Variants in DMD observed in about 807,000 individuals in gnomAD.
DMD encodes the protein dystrophin, also known as mutant dystrophin.
A neutral mutation model predicts 330.1 loss-of-function variants in DMD; 63 were observed. The ratio of observed to expected loss-of-function variants is 0.19; its 90% confidence interval spans 0.16 to 0.24. The LOEUF (loss-of-function observed/expected upper bound fraction) is 0.24. DMD is among the 10% of genes least tolerant of loss of function. The probability of loss-of-function intolerance (pLI) is 1.00; values close to 1 mark genes in which losing one functional copy is unlikely to be tolerated. For synonymous variants in DMD, 1,223 were observed against 959.8 expected (o/e 1.27, Z -5.07); for missense variants, 3,344 against 2,684.1 (o/e 1.25, Z -5.43).
intron 55 of DMD, among the ~76,000 whole-genome samples, chrX:31,516,023 A>G (rs1213837093): frequency 9.0e-6 from 1 of 111,481 alleles, no homozygotes; most frequent in Non-Finnish European, 1.9e-5. Context: ...ATTAAACATG[A>G]GCTCTAAATA....
rs757222273 is a variant in DMD, at chrX:32,578,208, A to C, written c.1603-4362T>G. On this transcript the variant is annotated intron_variant, in intron 13 of 78. Coordinates refer to ENST00000357033, the MANE Select transcript of DMD (RefSeq NM_004006.3). The stretch of plus-strand genomic sequence containing the variant: ...AACCTCTTCTCTAGAGAAAAAAAAA[A>C]TATGTAACTTCAACTCTGTTTCTCT... Among the ~76,000 whole-genome samples the C allele has an allele frequency of 4.5e-5, 5 of 111,744 alleles. No individual in the cohort carries two copies. The South Asian group carries it at 1.5e-3, about 33-fold the overall frequency.
intron 7 of DMD, among the ~76,000 whole-genome samples, chrX:32,778,395 A>C (rs773575841): frequency 7.2e-5 from 8 of 111,554 alleles, no homozygotes; most frequent in Middle Eastern, 4.6e-3. Context: ...CCAAAGCTGA[A>C]CAGCCAAGTA....
At chrX:32,559,164 G>T (rs1368007819) in intron 16 of DMD, among the ~76,000 whole-genome samples, 1 of 108,493 alleles carries the variant, frequency 9.2e-6, no homozygotes, top group African/African-American at 3.4e-5. Flanking sequence ...TGTTGACCAG[G>T]CTGGTTTCAA....
In DMD at chrX:31,486,140, G is replaced by A. The variant is rs1448487671; in HGVS notation, c.8548-7037C>T. On this transcript the variant is annotated intron_variant, in intron 57 of 78. Coordinates refer to ENST00000357033, the MANE Select transcript of DMD (RefSeq NM_004006.3). ...AATCAATTTGTTAAGATCATTAATCGGCCACAGGCCTGCTCTATGGTGGCA... is the reference window on the plus strand; with the variant it reads ...AATCAATTTGTTAAGATCATTAATCAGCCACAGGCCTGCTCTATGGTGGCA... Among the ~76,000 whole-genome samples the A allele has an allele frequency of 2.7e-5, 3 of 112,537 alleles. No homozygotes were observed. The Admixed American group carries it at 2.8e-4, about 11-fold the overall frequency.
intron 21 of DMD, among the ~76,000 whole-genome samples, chrX:32,478,295 G>A (rs993400618): frequency 8.9e-6 from 1 of 111,767 alleles, no homozygotes; most frequent in Non-Finnish European, 1.9e-5. Flanking sequence ...CTGAACTAAT[G>A]ACATATACCT....
rs764695727 is a variant in DMD at position 32,485,114 on chromosome X, A to G, written c.2623-15T>C. 9.2e-6 allele frequency: 11 copies of G among 1,198,924 alleles called. No homozygotes were observed. The East Asian group carries it at 3.3e-4, about 36-fold the overall frequency. ...TTGACTTCATCCTGTGCCATAGAGT[A>G]TGGAAAGTAAGTAACACGTTTACTT... On this transcript the variant is annotated splice_polypyrimidine_tract_variant and intron_variant, in intron 20 of 78. Transcript: ENST00000357033.
intron 15 of DMD, among the ~76,000 whole-genome samples, chrX:32,572,217 G>A (rs1220049705): frequency 1.8e-5 from 2 of 110,520 alleles, no homozygotes; most frequent in Non-Finnish European, 3.8e-5. Context: ...AGACCAATGA[G>A]GGTTAGCATT....
intron 9 of DMD, among the ~76,000 whole-genome samples, chrX:32,665,628 T>G (rs1356510032): frequency 9.0e-6 from 1 of 111,718 alleles, no homozygotes; most frequent in Non-Finnish European, 1.9e-5. Flanking sequence ...CATAGTCCAG[T>G]GGAGGAAACC....
chrX:32,973,538 A>T (rs754539306), intron 2 of DMD, among the ~76,000 whole-genome samples: 32 of 111,754 alleles, frequency 2.9e-4, no homozygotes, highest in Non-Finnish European at 5.5e-4. Flanking sequence ...ATGTGTGAGT[A>T]TCGTAAAGCC....
At chrX:33,263,440 T>A (rs186388175) in intron 1 of DMD, among the ~76,000 whole-genome samples, 6,519 of 105,836 alleles carry the variant, frequency 0.062, 412 homozygotes, top group African/African-American at 0.19. Context: ...TTTTAAAAAA[T>A]ATATATATAT....
Position 32,310,287 on chromosome X carries a change from T to C in DMD, c.5923-11A>G, listed in dbSNP as rs377178529. 1 of 1,198,667 alleles carries C rather than the reference T, an allele frequency of 8.3e-7. No homozygotes were observed. The highest frequency in any genetic ancestry group is 2.2e-5 in the Admixed American group (1 of 45,738). On this transcript the variant is annotated splice_polypyrimidine_tract_variant and intron_variant, in intron 41 of 78. Coordinates refer to ENST00000357033, the MANE Select transcript of DMD (RefSeq NM_004006.3). Reference sequence around the variant, plus strand: ...TTCACGGACAGTGTGCTGGTATAGATATACAAAAGAACAATTTTTTTTAGC... The same window carrying C: ...TTCACGGACAGTGTGCTGGTATAGACATACAAAAGAACAATTTTTTTTAGC...
intron 47 of DMD, among the ~76,000 whole-genome samples, chrX:31,879,409 CAT>C (rs2094023173): frequency 9.0e-6 from 1 of 111,339 alleles, no homozygotes; most frequent in African/African-American, 3.3e-5. Flanking sequence ...CCACCCTTGA[CAT>C]GTGGGGATTA....
intron 53 of DMD, among the ~76,000 whole-genome samples, chrX:31,660,366 T>C (rs1179825181): frequency 8.9e-6 from 1 of 112,436 alleles, no homozygotes; most frequent in Non-Finnish European, 1.9e-5. Flanking sequence ...TCTAGAAATA[T>C]CCTAGGGTAC....
chrX:32,069,652 T>C lies in DMD; in HGVS notation c.6439-101138A>G, dbSNP rs756411223. Reference sequence around the variant, plus strand: ...GTATGGTGATAGATTAATGACTGCATACAATTTCACTCATTTAATTTTATT... The same window carrying C: ...GTATGGTGATAGATTAATGACTGCACACAATTTCACTCATTTAATTTTATT... On this transcript the variant is annotated intron_variant, in intron 44 of 78. Coordinates refer to ENST00000357033, the MANE Select transcript of DMD (RefSeq NM_004006.3). Among the ~76,000 whole-genome samples the C allele has an allele frequency of 4.5e-5, 5 of 112,095 alleles. No individual in the cohort carries two copies. The East Asian group carries it at 1.4e-3, about 32-fold the overall frequency.
At chrX:31,723,134 C>T (rs942632907) in intron 52 of DMD, among the ~76,000 whole-genome samples, 6 of 110,135 alleles carry the variant, frequency 5.4e-5, no homozygotes, top group African/African-American at 1.7e-4. Context: ...GTGGGTGGTG[C>T]TACCTCTTCT....
intron 55 of DMD, among the ~76,000 whole-genome samples, chrX:31,516,344 G>C (rs1045310757): frequency 9.2e-6 from 1 of 108,389 alleles, no homozygotes; most frequent in Non-Finnish European, 1.9e-5. Flanking sequence ...GAATCCATAG[G>C]AAGAAATTGG....
chrX:32,709,423 CTAAAG>C (rs1010021822), intron 7 of DMD, among the ~76,000 whole-genome samples: 2 of 111,598 alleles, frequency 1.8e-5, no homozygotes, highest in Admixed American at 1.9e-4. Flanking sequence ...AATGTATATA[CTAAAG>C]TATATTTTTT....
In DMD at chrX:31,556,590, T is replaced by C. The variant is rs762725003; in HGVS notation, c.8218-49137A>G. Among the ~76,000 whole-genome samples the C allele has an allele frequency of 2.8e-5, 3 of 107,196 alleles. No individual in the cohort carries two copies. In the South Asian group the frequency reaches 1.2e-3, roughly 44 times the overall value. The allele number at this position is 107,196 out of a possible 115,157, so 93.1% of individuals were successfully genotyped here. A position where few individuals can be genotyped will look rare whatever the true frequency, so the allele number is the denominator to read the frequency against. The stretch of plus-strand genomic sequence containing the variant: ...TTGTGAGGCCACATCCAGAAAGGAA[T>C]TGAGAAAAAGTCTTTAAATATATGA... On this transcript the variant is annotated intron_variant, in intron 55 of 78. Transcript: ENST00000357033.
At chrX:32,689,686 A>T (rs2063132763) in intron 9 of DMD, among the ~76,000 whole-genome samples, 1 of 111,064 alleles carries the variant, frequency 9.0e-6, no homozygotes, top group African/African-American at 3.3e-5. Context: ...AACACATTAA[A>T]AGGATCATAT....
Sources: allele counts gnomAD v4.1 joint callset (sites outside exome capture counted in the v4.1 genomes callset), GRCh38; gene constraint gnomAD v4.1.1; transcripts MANE v1.5; gene names NCBI Gene and HGNC (gene_info 2026-07-23, HGNC 2026-07-21).